Variants in MICU2 observed in about 807,000 individuals in gnomAD.
MICU2 encodes calcium uptake protein 2, mitochondrial.
In MICU2, 64 loss-of-function variants were observed where a neutral mutation model predicts 60.4. The observed-to-expected ratio is 1.06, with a 90% CI of 0.87 to 1.31. The LOEUF (loss-of-function observed/expected upper bound fraction) is 1.31. Ranked by LOEUF, MICU2 falls within the 50% of genes most tolerant of loss-of-function variation. MICU2 has a pLI of 0.00. For synonymous variants in MICU2, 201 were observed against 175.0 expected (o/e 1.15, Z -1.17); for missense variants, 569 against 531.0 (o/e 1.07, Z -0.70).
At chr13:21,602,456 A>G (rs947442115) in intron 1 of MICU2, among the ~76,000 whole-genome samples, 2 of 152,202 alleles carry the variant, frequency 1.3e-5, no homozygotes, top group African/African-American at 2.4e-5. Context: ...CGGGAGGCGG[A>G]GCTTGCAGTA....
intron 1 of MICU2, among the ~76,000 whole-genome samples, chr13:21,587,126 G>A (rs1008964152): frequency 4.6e-5 from 7 of 152,172 alleles, no homozygotes; most frequent in African/African-American, 1.7e-4. Flanking sequence ...ACGAGGGGAG[G>A]AGAGAACCGA....
intron 4 of MICU2, among the ~76,000 whole-genome samples, chr13:21,529,070 G>C (rs971354774): frequency 3.3e-5 from 5 of 152,206 alleles, no homozygotes; most frequent in Non-Finnish European, 7.3e-5. Flanking sequence ...CCAAACTAAG[G>C]AAGTTAGATT....
chr13:21,523,269 T>C (rs12429991), intron 4 of MICU2, among the ~76,000 whole-genome samples: 2,467 of 152,308 alleles, frequency 0.016, 196 homozygotes, highest in Admixed American at 0.13. Flanking sequence ...AGCCAACCTC[T>C]ATCTAAATCT....
chr13:21,603,551 G>A (rs766429862), intron 1 of MICU2: 1 of 249,126 alleles, frequency 4.0e-6, no homozygotes. Context: ...ACCACCTGCG[G>A]ATGTGAATGC....
chr13:21,551,581 T>TC (rs1303959331), intron 2 of MICU2, among the ~76,000 whole-genome samples: 1 of 91,502 alleles, frequency 1.1e-5, no homozygotes, highest in Non-Finnish European at 2.1e-5. Context: ...ATGCTATCCC[T>TC]CCCCCCTCCC....
intron 1 of MICU2, among the ~76,000 whole-genome samples, chr13:21,580,964 CAG>C (rs1215511869): frequency 6.6e-6 from 1 of 152,038 alleles, no homozygotes; most frequent in African/African-American, 2.4e-5. Context: ...AGAGAATGTA[CAG>C]AGTCAGAACA....
chr13:21,494,229 T>C (rs1287658041), intron 11 of MICU2, among the ~76,000 whole-genome samples: 1 of 152,232 alleles, frequency 6.6e-6, no homozygotes, highest in African/African-American at 2.4e-5. Flanking sequence ...GAAATGGAAT[T>C]GCTTTTCTAA....
At chr13:21,504,753 C>T (rs913979795) in intron 8 of MICU2, among the ~76,000 whole-genome samples, 11 of 152,112 alleles carry the variant, frequency 7.2e-5, no homozygotes, top group Admixed American at 2.0e-4. Flanking sequence ...TGGAGTGGCG[C>T]GTACAGGCTG....
At chr13:21,556,323 T>TCTG (rs1360338356) in intron 2 of MICU2, among the ~76,000 whole-genome samples, 1 of 152,166 alleles carries the variant, frequency 6.6e-6, no homozygotes, top group Non-Finnish European at 1.5e-5. Context: ...TTCACAACAC[T>TCTG]CTGCTTTCCT....
At position 21,492,699 on chromosome 13, in the gene MICU2, A is replaced by G. The variant is rs1365642931; in HGVS notation, c.*550T>C. The stretch of plus-strand genomic sequence containing the variant: ...TAAAAAGCACCTCAGTATTTTTTGT[A>G]TCTATGTAAATATTTTATTCTGCTT... On this transcript the variant is annotated 3_prime_UTR_variant, in exon 12 of 12. Coordinates refer to ENST00000382374, the MANE Select transcript of MICU2 (RefSeq NM_152726.3). 6.6e-6 allele frequency: 1 copy of G among 152,324 alleles called. No homozygotes were observed. The highest frequency in any genetic ancestry group is 2.1e-4 in the South Asian group (1 of 4,834). The allele number at this position is 152,324 out of a possible 1,614,324, so 9.4% of individuals were successfully genotyped here.
chr13:21,561,411 A>G (rs933559711), intron 2 of MICU2, among the ~76,000 whole-genome samples: 8 of 152,106 alleles, frequency 5.3e-5, no homozygotes, highest in South Asian at 2.1e-4. Context: ...TCCAAGTATA[A>G]TAGTTTCTAA....
intron 9 of MICU2, among the ~76,000 whole-genome samples, chr13:21,501,592 T>A (rs557139825): frequency 1.3e-5 from 2 of 152,196 alleles, no homozygotes; most frequent in Admixed American, 6.5e-5. Context: ...AATAATTCAA[T>A]GGTATTTTTA....
At chr13:21,542,114 A>G (rs1887297546) in intron 2 of MICU2, among the ~76,000 whole-genome samples, 1 of 151,826 alleles carries the variant, frequency 6.6e-6, no homozygotes, top group South Asian at 2.1e-4. Context: ...CAGTTAATGC[A>G]CCTCTCCCTG....
At chr13:21,548,615 A>C (rs1177574574) in intron 2 of MICU2, among the ~76,000 whole-genome samples, 2 of 152,244 alleles carry the variant, frequency 1.3e-5, no homozygotes, top group East Asian at 3.8e-4. Context: ...AGTTTACCCA[A>C]GGTTACAACG....
At chr13:21,594,026 C>A (rs540590371) in intron 1 of MICU2, among the ~76,000 whole-genome samples, 4 of 152,194 alleles carry the variant, frequency 2.6e-5, no homozygotes, top group African/African-American at 9.6e-5. Context: ...CCAAAATTGA[C>A]AAATGGGATC....
At chr13:21,603,236 C>T (rs1029328010) in intron 1 of MICU2, among the ~76,000 whole-genome samples, 1 of 152,296 alleles carries the variant, frequency 6.6e-6, no homozygotes, top group Non-Finnish European at 1.5e-5. Context: ...CCTCCCAAAG[C>T]CCTGGGATTA....
At chr13:21,528,684 A>G (rs1426952055) in intron 4 of MICU2, among the ~76,000 whole-genome samples, 1 of 152,258 alleles carries the variant, frequency 6.6e-6, no homozygotes, top group African/African-American at 2.4e-5. Context: ...TTACAAAGAA[A>G]AGGGCCTTTT....
At chr13:21,499,896 G>A (rs1206574558) in intron 9 of MICU2, among the ~76,000 whole-genome samples, 1 of 152,124 alleles carries the variant, frequency 6.6e-6, no homozygotes, top group Admixed American at 6.5e-5. Flanking sequence ...ATGGTGGTAT[G>A]CGCCTGTAAT....
At chr13:21,504,818 T>C (rs1886256068) in intron 8 of MICU2, among the ~76,000 whole-genome samples, 1 of 152,168 alleles carries the variant, frequency 6.6e-6, no homozygotes, top group Non-Finnish European at 1.5e-5. Context: ...AGCTTGACAT[T>C]GGCATGGTAG....
Sources: gnomAD v4.1 joint callset for allele counts (sites outside exome capture counted in the v4.1 genomes callset) on GRCh38, gnomAD v4.1.1 for gene constraint, MANE v1.5 for transcripts, NCBI Gene and HGNC (gene_info 2026-07-23, HGNC 2026-07-21) for gene names.